Variants in PARL observed in about 807,000 individuals in gnomAD.
PARL encodes presenilin associated rhomboid like.
PARL carries 44 observed loss-of-function variants against 51.6 expected under a neutral mutation model. The observed-to-expected ratio is 0.85, with a 90% confidence interval of 0.67 to 1.10. The LOEUF (loss-of-function observed/expected upper bound fraction) is 1.10, where lower values mean the gene tolerates loss of function less well. PARL is among the 50% of genes least tolerant of loss of function. The probability of loss-of-function intolerance (pLI) is 0.00; values close to 1 mark genes in which losing one functional copy is unlikely to be tolerated. For synonymous variants in PARL, 172 were observed against 164.0 expected (o/e 1.05, Z -0.37); for missense variants, 441 against 469.5 (o/e 0.94, Z 0.56).
intron 9 of PARL, among the ~76,000 whole-genome samples, chr3:183,832,595 G>A (rs1251874518): frequency 6.6e-6 from 1 of 152,102 alleles, no homozygotes; most frequent in Non-Finnish European, 1.5e-5. Context: ...ACCAAGTAAG[G>A]GCAAAAGGCA....
chr3:183,874,411 CTTT>C (rs71629997), intron 1 of PARL, among the ~76,000 whole-genome samples: 1 of 140,918 alleles, frequency 7.1e-6, no homozygotes, highest in African/African-American at 2.7e-5. Flanking sequence ...TAGAAATAAT[CTTT>C]TTTTTTTTTT....
chr3:183,835,731 G>GT (rs759873354), intron 7 of PARL, among the ~76,000 whole-genome samples: 378 of 152,160 alleles, frequency 2.5e-3, no homozygotes, highest in Non-Finnish European at 4.5e-3. Context: ...GCCAGACGTG[G>GT]TGGTGGGCGC....
At chr3:183,842,585 G>A (rs748352282) in intron 5 of PARL, 138 bp from the exon 6 acceptor site, 102 of 718,574 alleles carry the variant, frequency 1.4e-4, no homozygotes, top group Admixed American at 4.3e-4. Flanking sequence ...CAAGGCAGGC[G>A]GATCACTAAG....
intron 1 of PARL, among the ~76,000 whole-genome samples, chr3:183,877,804 C>T (rs1429333836): frequency 6.8e-6 from 1 of 146,840 alleles, no homozygotes; most frequent in East Asian, 2.0e-4. Context: ...TAATTTATTA[C>T]TTTTTTTTTT....
intron 1 of PARL, among the ~76,000 whole-genome samples, chr3:183,882,874 T>C (rs1734726187): frequency 6.6e-6 from 1 of 152,060 alleles, no homozygotes; most frequent in Non-Finnish European, 1.5e-5. Context: ...ATGACACGGA[T>C]TGGGTCATTC....
At chr3:183,839,013 AG>A (rs1284488184) in intron 7 of PARL, among the ~76,000 whole-genome samples, 2 of 152,218 alleles carry the variant, frequency 1.3e-5, no homozygotes, top group African/African-American at 4.8e-5. Flanking sequence ...TTCATATATT[AG>A]GTGCTTAGCT....
Position 183,866,688 on chromosome 3 carries a change from A to C in PARL, c.399T>G (p.Asp133Glu), listed in dbSNP as rs1353855240. ...SLKSRVQSYF[D>E]GIKADWLDSI... ...TATCCAACCAATCAGCTTTTATACC[A>C]TCAAAATAACTCTGGACCCTGGATT... The change falls in exon 3 of 10, where the codon GAT (aspartate) becomes GAG (glutamate). Residue 133 changes from aspartate (D) to glutamate (E), a missense_variant. Asp to Glu is a conservative substitution (Grantham distance 45). Transcript: ENST00000317096. 3 of 1,612,372 alleles carry C rather than the reference A, an allele frequency of 1.9e-6. No homozygotes were observed. The African/African-American group carries it at 4.0e-5, about 22-fold the overall frequency.
intron 4 of PARL, among the ~76,000 whole-genome samples, chr3:183,862,120 T>C (rs1731903993): frequency 6.6e-6 from 1 of 152,234 alleles, no homozygotes; most frequent in African/African-American, 2.4e-5. Flanking sequence ...CATGAAATAT[T>C]GCAGAGGTGT....
At chr3:183,837,674 T>C (rs1422497393) in intron 7 of PARL, among the ~76,000 whole-genome samples, 1 of 152,074 alleles carries the variant, frequency 6.6e-6, no homozygotes, top group Non-Finnish European at 1.5e-5. Context: ...GCACCCCCTC[T>C]CCTCATCAGA....
chr3:183,864,063 T>A (rs1732156766), intron 3 of PARL, among the ~76,000 whole-genome samples: 1 of 152,228 alleles, frequency 6.6e-6, no homozygotes, highest in African/African-American at 2.4e-5. Flanking sequence ...GATAATGGAA[T>A]AGGTCAGTTT....
intron 7 of PARL, 134 bp downstream of exon 7, chr3:183,840,436 C>T (rs1227254148): frequency 1.5e-5 from 8 of 549,954 alleles, no homozygotes; most frequent in Admixed American, 1.0e-4. Flanking sequence ...TTCTTGGTTT[C>T]GATGTTAGTT....
chr3:183,830,787 T>C (rs971708297), intron 9 of PARL, among the ~76,000 whole-genome samples: 3 of 152,230 alleles, frequency 2.0e-5, no homozygotes, highest in African/African-American at 7.2e-5. Flanking sequence ...AATCTTAATA[T>C]TCACTAAATA....
At chr3:183,876,465 G>A (rs1733818307) in intron 1 of PARL, among the ~76,000 whole-genome samples, 1 of 151,988 alleles carries the variant, frequency 6.6e-6, no homozygotes, top group Non-Finnish European at 1.5e-5. Context: ...AGATGCACAG[G>A]TACAAGAAGA....
chr3:183,867,560 C>T (rs1053765455), intron 2 of PARL, among the ~76,000 whole-genome samples: 2 of 151,970 alleles, frequency 1.3e-5, no homozygotes, highest in Non-Finnish European at 2.9e-5. Context: ...ATTAGCCAGG[C>T]GTGGTGGCCA....
chr3:183,864,950 G>C (rs1732294209), intron 3 of PARL, among the ~76,000 whole-genome samples: 1 of 139,040 alleles, frequency 7.2e-6, no homozygotes, highest in South Asian at 2.2e-4. Flanking sequence ...ACAGTTTAGA[G>C]ACACTCAACA....
intron 1 of PARL, among the ~76,000 whole-genome samples, chr3:183,873,548 CA>C (rs11360774): frequency 0.55 from 79,795 of 143,892 alleles, 21,693 homozygotes; most frequent in Middle Eastern, 0.64. Context: ...GACTCCGTCT[CA>C]AAAAAAAAAA....
At position 183,876,133 on chromosome 3, in the gene PARL, G is replaced by A. The variant is rs559737742; in HGVS notation, c.126-8073C>T. 7.9e-5 allele frequency among the ~76,000 whole-genome samples: 12 copies of A among 152,178 alleles called. No individual in the cohort carries two copies. The South Asian group carries it at 2.5e-3, about 32-fold the overall frequency. On this transcript the variant is annotated intron_variant, in intron 1 of 9. Coordinates refer to ENST00000317096, the MANE Select transcript of PARL (RefSeq NM_018622.7). ...ACTATCTCAGCTCACTACAACCTCC[G>A]CCTCCCAGGTTCAAGCAGTTCTCCT...
chr3:183,854,383 C>A (rs577949858), intron 4 of PARL, among the ~76,000 whole-genome samples: 2 of 152,248 alleles, frequency 1.3e-5, no homozygotes, highest in East Asian at 3.9e-4. Context: ...ATGTGATATA[C>A]ACACAAAATA....
intron 1 of PARL, among the ~76,000 whole-genome samples, chr3:183,875,450 A>G (rs1733697560): frequency 6.6e-6 from 1 of 151,812 alleles, no homozygotes; most frequent in Non-Finnish European, 1.5e-5. Flanking sequence ...AGAGTAAGAA[A>G]GCAAAACAGC....
Sources: allele counts gnomAD v4.1 joint callset (sites outside exome capture counted in the v4.1 genomes callset), GRCh38; gene constraint gnomAD v4.1.1; transcripts MANE v1.5; gene names NCBI Gene and HGNC (gene_info 2026-07-23, HGNC 2026-07-21).